Variants in ABCA7 observed in about 807,000 individuals in gnomAD.
The protein encoded by ABCA7 is ATP binding cassette subfamily A member 7.
Under a neutral mutation model 227.6 loss-of-function variants are expected in ABCA7, and 261 were observed. The ratio of observed to expected loss-of-function variants is 1.15; its 90% CI spans 1.04 to 1.27. The LOEUF (loss-of-function observed/expected upper bound fraction) is 1.27. Among genes scored for constraint, ABCA7 ranks in the 50% most tolerant of loss-of-function variants. The pLI is 0.00. For synonymous variants in ABCA7, 1,488 were observed against 1,279.7 expected (o/e 1.16, Z -3.47); for missense variants, 3,331 against 2,924.5 (o/e 1.14, Z -3.21).
chr19:1,050,935 G>A lies in ABCA7; in HGVS notation c.2567G>A (p.Gly856Asp), dbSNP rs1190218809. 1.2e-6 allele frequency: 2 copies of A among 1,608,506 alleles called. No individual in the cohort carries two copies. The highest frequency in any genetic ancestry group is 1.7e-6 in the Non-Finnish European group (2 of 1,177,302). The change falls in exon 19 of 47, where the codon GGC becomes GAC. Residue 856 changes from glycine (G) to aspartate (D), a missense_variant. Gly to Asp is a moderately conservative substitution (Grantham distance 94, BLOSUM62 -1). Transcript: ENST00000263094. ...GKTTTLSILS[G>D]LFPPSGGSAF... ...TCTATCCACAGGTCCATCTTGAGTGGCCTCTTCCCACCCAGTGGTGGCTCT... is the reference window on the plus strand; with the variant it reads ...TCTATCCACAGGTCCATCTTGAGTGACCTCTTCCCACCCAGTGGTGGCTCT...
rs866983314 is a variant in ABCA7 at position 1,055,254 on chromosome 19, C to A, written c.4108C>A (p.Gln1370Lys). ...TGCAGCTGGTGGTCCCCCTCCGCCC[C>A]AGGCAGTGACCGGCTCTGGGGAAGT... ...PAAAGGPPPP[Q>K]AVTGSGEVVQ... The change falls in exon 30 of 47, where the codon CAG (glutamine) becomes AAG (lysine). Residue 1370 changes from glutamine (Q) to lysine (K), a missense_variant. By Grantham distance (53) the Gln-to-Lys change is moderately conservative. Coordinates refer to ENST00000263094, the MANE Select transcript of ABCA7 (RefSeq NM_019112.4). 1 of 1,603,720 alleles carries A rather than the reference C, an allele frequency of 6.2e-7. No individual in the cohort carries two copies. Among genetic ancestry groups the A allele is most frequent in the African/African-American group, 1.3e-5 (1 of 74,680 alleles).
At chr19:1,053,929 C>G (rs2042009412) in intron 25 of ABCA7, 77 bp from the exon 26 acceptor site, 2 of 1,599,390 alleles carry the variant, frequency 1.3e-6, no homozygotes, top group African/African-American at 1.3e-5. Flanking sequence ...CAAGGCATAG[C>G]CTTTACCCTA....
At chr19:1,053,911 G>C (rs900436601) in intron 25 of ABCA7, 75 bp downstream of exon 25, 1 of 1,594,290 alleles carries the variant, frequency 6.3e-7, no homozygotes, top group Non-Finnish European at 8.6e-7. Flanking sequence ...CCCTGGCTTA[G>C]TGTGGCCCAA....
In ABCA7 at chr19:1,059,020, C is replaced by T. The variant is rs760864583; in HGVS notation, c.5401-3C>T. On this transcript the variant is annotated splice_region_variant and splice_polypyrimidine_tract_variant and intron_variant, in intron 39 of 46. Transcript: ENST00000263094. ...CCTTTCTGAAAGACCTGCACTCTCC[C>T]AGGTATACCGTGGGCAGAGGATGCC... 6.2e-7 allele frequency: 1 copy of T among 1,613,902 alleles called. No homozygotes were observed. The highest frequency in any genetic ancestry group is 1.1e-5 in the South Asian group (1 of 91,060).
chr19:1,063,505 A>C (rs2144967100), intron 42 of ABCA7, 39 bp from the exon 43 acceptor site: 1 of 1,603,090 alleles, frequency 6.2e-7, no homozygotes, highest in South Asian at 1.1e-5. Context: ...CATACTCATC[A>C]ATATGAGTCC....
chr19:1,065,321 CAGA>C lies in ABCA7; in HGVS notation c.6340_6342del (p.Lys2114del), dbSNP rs772990931. On this transcript the variant is annotated inframe_deletion, in exon 47 of 47. Transcript: ENST00000263094. ...GGGGAAGGACGAGGACACCGAAGAG[CAGA>C]AGGAGGCAGGAGTGGGAGTGGACCC... is the stretch of plus-strand genomic sequence containing the variant. The C allele has an allele frequency of 1.9e-6, 3 of 1,613,508 alleles. No homozygotes were observed. The highest frequency in any genetic ancestry group is 1.3e-5 in the African/African-American group (1 of 74,924).
At position 1,051,503 on chromosome 19, in the gene ABCA7, T is replaced by A; in HGVS notation, c.2879T>A (p.Val960Asp). 6.2e-7 allele frequency: 1 copy of A among 1,612,624 alleles called. No homozygotes were observed. The highest frequency in any genetic ancestry group is 8.5e-7 in the Non-Finnish European group (1 of 1,179,904). The change falls in exon 21 of 47, where the codon GTT (valine) becomes GAT (aspartate). Residue 960 changes from valine to aspartate, a missense_variant. By Grantham distance (152) the Val-to-Asp change is radical. Coordinates refer to ENST00000263094, the MANE Select transcript of ABCA7 (RefSeq NM_019112.4). ...ATTGCCTTTGTGGGCGGCTCCCAAG[T>A]TGTTATCCTGGACGAGCCTACGGCT... ...VAIAFVGGSQ[V>D]VILDEPTAGV...
intron 37 of ABCA7, among the ~76,000 whole-genome samples, 171 bp from the exon 38 acceptor site, chr19:1,058,447 C>A (rs1037991296): frequency 2.0e-5 from 3 of 152,080 alleles, no homozygotes; most frequent in African/African-American, 7.2e-5. Flanking sequence ...AAAGCTAATT[C>A]TTAGATTACA....
At chr19:1,050,819 A>AATAATAATAATT in intron 18 of ABCA7, 102 bp from the exon 19 acceptor site, 1 of 648,512 alleles carries the variant, frequency 1.5e-6, no homozygotes. Flanking sequence ...TAATAATAAT[A>AATAATAATAATT]AATAATTAAA....
rs367736927 is a variant in ABCA7 at position 1,065,138 on chromosome 19, G to A, written c.6252G>A (p.Glu2084=). 197 of 1,591,324 alleles carry A rather than the reference G, an allele frequency of 1.2e-4. No homozygotes were observed. In the African/African-American group the frequency reaches 2.3e-3, roughly 19 times the overall value. The change falls in exon 46 of 47, where the codon GAG becomes GAA. Residue 2084 remains glutamate, a synonymous_variant. Transcript: ENST00000263094. ...TGCACGGCGCAGAGCACGGCGTGGAGGACTTTTCCGTGAGCCAGACGATGC... is the reference window on the plus strand; with the variant it reads ...TGCACGGCGCAGAGCACGGCGTGGAAGACTTTTCCGTGAGCCAGACGATGC... The part of the protein sequence containing the change: ...LAVHGAEHGV[E]DFSVSQTMLE...
At position 1,049,329 on chromosome 19, in the gene ABCA7, G is replaced by A. The variant is rs202171803; in HGVS notation, c.2444G>A (p.Arg815His). 23 of 1,611,578 alleles carry A rather than the reference G, an allele frequency of 1.4e-5. No individual in the cohort carries two copies. The highest frequency in any genetic ancestry group is 1.7e-4 in the Middle Eastern group (1 of 6,056). Residue 815 changes from arginine (R) to histidine (H), a missense_variant, in exon 18 of 47, where the codon CGC becomes CAC. Arg to His is a conservative substitution (Grantham distance 29). Transcript: ENST00000263094. ...GTCTCCGTTCGCAGCCTGGAGAAGC[G>A]CTTTCCTGGAAGCCCGCAGCCAGCC... ...PGVSVRSLEK[R>H]FPGSPQPALR...
rs527820682 is a variant in ABCA7 at position 1,045,443 on chromosome 19, C to T, written c.1445+212C>T. The T allele has an allele frequency of 6.4e-4, 380 of 593,640 alleles. 3 individuals are homozygous for T. The South Asian group carries it at 7.4e-3, about 12-fold the overall frequency. The allele number at this position is 593,640 out of a possible 1,614,324, so 36.8% of individuals were successfully genotyped here. On this transcript the variant is annotated intron_variant, in intron 12 of 46. Transcript: ENST00000263094. ...GGTGCATGAGGGGCGTGGCCATGGG[C>T]CTGAGATAAGATGAGAGCAGGTATA...
rs1462849753 is a variant in ABCA7, at chr19:1,054,293, C to T, written c.3678C>T (p.Leu1226=). ...LTRQQLQALL[L]KRFLLARRSR... is the part of the protein sequence containing the mutation. ...GCCAGCAGCTCCAGGCCCTGCTTCT[C>T]AAGCGCTTTCTGCTTGCCCGCCGCA... The change falls in exon 27 of 47, where the codon CTC becomes CTT. Residue 1226 remains leucine (L), a synonymous_variant. Transcript: ENST00000263094. The surrounding 1 kb of genome is among the most constrained non-coding windows in gnomAD (Gnocchi z 4.8). 1 of 1,606,726 alleles carries T rather than the reference C, an allele frequency of 6.2e-7. No homozygotes were observed. The highest frequency in any genetic ancestry group is 2.2e-5 in the East Asian group (1 of 44,840).
At chr19:1,050,649 G>A (rs1300220294) in intron 18 of ABCA7, among the ~76,000 whole-genome samples, 2 of 150,280 alleles carry the variant, frequency 1.3e-5, no homozygotes, top group African/African-American at 2.4e-5. Flanking sequence ...ACATGGTGGC[G>A]GGCGCCTGTA....
chr19:1,049,121 C>T, intron 17 of ABCA7, 116 bp downstream of exon 17: 6 of 1,058,250 alleles, frequency 5.7e-6, no homozygotes, highest in South Asian at 1.5e-5. Context: ...TCACACCTGC[C>T]CTGAAGACAC....
At chr19:1,046,053 C>A (rs531773923) in intron 12 of ABCA7, among the ~76,000 whole-genome samples, 177 bp from the exon 13 acceptor site, 1 of 152,118 alleles carries the variant, frequency 6.6e-6, no homozygotes, top group African/African-American at 2.4e-5. Flanking sequence ...CTTGGGAGGC[C>A]GAGCTGGGGG....
chr19:1,061,858 G>A lies in ABCA7; in HGVS notation c.5540G>A (p.Ser1847Asn). ...FRMVTGDTLA[S>N]RGEAVLAGHS... ...ATGGTGACGGGGGACACATTGGCCA[G>A]CAGGGGCGAGGCTGTGCTGGCAGGC... The change falls in exon 41 of 47, where the codon AGC becomes AAC. Residue 1847 changes from serine (S) to asparagine (N), a missense_variant. Ser to Asn is a conservative substitution (Grantham distance 46). Coordinates refer to ENST00000263094, the MANE Select transcript of ABCA7 (RefSeq NM_019112.4). 1 of 1,602,616 alleles carries A rather than the reference G, an allele frequency of 6.2e-7. No individual in the cohort carries two copies. Among genetic ancestry groups the A allele is most frequent in the Non-Finnish European group, 8.5e-7 (1 of 1,175,912 alleles).
chr19:1,058,003 T>C lies in ABCA7; in HGVS notation c.4969T>C (p.Phe1657Leu). The change falls in exon 36 of 47, where the codon TTT becomes CTT. Residue 1657 changes from phenylalanine (F) to leucine (L), a missense_variant. By Grantham distance (22) the Phe-to-Leu change is conservative (BLOSUM62 0). Transcript: ENST00000263094. ...TGTGGTGCTCACCTGCATAAACCTC[T>C]TTATTGGCATCAATGGAAGCATGGC... ...AYVVLTCINL[F>L]IGINGSMATF... is the part of the protein sequence containing the mutation. 1 of 1,614,076 alleles carries C rather than the reference T, an allele frequency of 6.2e-7. No individual in the cohort carries two copies. Among genetic ancestry groups the C allele is most frequent in the Non-Finnish European group, 8.5e-7 (1 of 1,180,016 alleles).
chr19:1,063,162 G>T (rs11673402), intron 42 of ABCA7, among the ~76,000 whole-genome samples: 92 of 95,780 alleles, frequency 9.6e-4, no homozygotes, highest in South Asian at 4.5e-3. Flanking sequence ...ACTCATGCTG[G>T]CTCCACCCAC....
Sources: allele counts gnomAD v4.1 joint callset (sites outside exome capture counted in the v4.1 genomes callset), GRCh38; gene constraint gnomAD v4.1.1; non-coding constraint Gnocchi (gnomAD v3.1); transcripts MANE v1.5; gene names NCBI Gene and HGNC (gene_info 2026-07-23, HGNC 2026-07-21).